Variants in TTC3 observed in about 807,000 individuals in gnomAD.
TTC3 encodes E3 ubiquitin-protein ligase TTC3.
Under a neutral mutation model 249.6 loss-of-function variants are expected in TTC3, and 180 were observed. That is an observed-to-expected ratio of 0.72 (90% CI 0.64 to 0.82). The LOEUF (loss-of-function observed/expected upper bound fraction) is 0.82. Among genes scored for constraint, TTC3 ranks in the 40% least tolerant of loss-of-function variants. The probability of loss-of-function intolerance (pLI) is 0.00; values close to 1 mark genes in which losing one functional copy is unlikely to be tolerated. For missense variants in TTC3, 2,061 were observed against 2,398.4 expected (o/e 0.86, Z 2.94); for synonymous variants, 717 against 805.0 (o/e 0.89, Z 1.85).
intron 8 of TTC3, among the ~76,000 whole-genome samples, chr21:37,094,723 G>C (rs2073727793): frequency 6.6e-6 from 1 of 152,024 alleles, no homozygotes; most frequent in African/African-American, 2.4e-5. Context: ...TTTAAAAGTG[G>C]GTCTGCCAAA....
rs544076127 is a variant in TTC3 at position 37,158,907 on chromosome 21, C to T, written c.2993-792C>T. Among the ~76,000 whole-genome samples the T allele has an allele frequency of 7.9e-5, 12 of 151,398 alleles. No homozygotes were observed. In the South Asian group the frequency reaches 2.3e-3, roughly 29 times the overall value. On this transcript the variant is annotated intron_variant, in intron 28 of 45. Transcript: ENST00000355666. ...CTTAGTTGTCTTTCCACAGTTAGAC[C>T]ACTATAGTAGCCTCCAAACTGGACT... is the stretch of plus-strand genomic sequence containing the variant.
intron 15 of TTC3, among the ~76,000 whole-genome samples, chr21:37,128,597 A>T (rs2077220926): frequency 6.6e-6 from 1 of 152,150 alleles, no homozygotes; most frequent in African/African-American, 2.4e-5. Flanking sequence ...CCCTTTTGTG[A>T]GTTGTGAGAG....
intron 4 of TTC3, 98 bp downstream of exon 4, chr21:37,088,444 T>G: frequency 7.1e-7 from 1 of 1,411,192 alleles, no homozygotes; most frequent in Non-Finnish European, 9.6e-7. Context: ...TGTCTTATTC[T>G]TGTATGCTGC....
In TTC3 at chr21:37,192,323, A is replaced by C. The variant is rs557251984; in HGVS notation, c.5217+110A>C. 269 of 666,364 alleles carry C rather than the reference A, an allele frequency of 4.0e-4. No individual in the cohort carries two copies. The African/African-American group carries it at 4.8e-3, about 12-fold the overall frequency. 41.3% of individuals were successfully genotyped at this position (666,364 alleles called of 1,614,324 possible). On this transcript the variant is annotated intron_variant, in intron 41 of 45. Coordinates refer to ENST00000355666, the Ensembl canonical transcript of TTC3. ...GGAGTGAGGATGAGATTGGTTAATAATTGCCTTAATGTTTCATTATTGGTG... is the reference window on the plus strand; with the variant it reads ...GGAGTGAGGATGAGATTGGTTAATACTTGCCTTAATGTTTCATTATTGGTG...
At chr21:37,190,448 AAG>A (rs1208569486) in intron 39 of TTC3, among the ~76,000 whole-genome samples, 1 of 151,796 alleles carries the variant, frequency 6.6e-6, no homozygotes, top group African/African-American at 2.4e-5. Flanking sequence ...CTTCATTTTC[AAG>A]ATTTAATTTT....
At position 37,104,642 on chromosome 21, in the gene TTC3, A is replaced by G. The variant is rs548610926; in HGVS notation, c.846-3750A>G. Among the ~76,000 whole-genome samples the G allele has an allele frequency of 1.5e-3, 226 of 151,622 alleles. 2 individuals carry two copies. The highest frequency in any genetic ancestry group is 4.8e-3 in the African/African-American group (197 of 41,324). On this transcript the variant is annotated intron_variant, in intron 10 of 45. Coordinates refer to ENST00000355666, the Ensembl canonical transcript of TTC3. ...GTGCCTTTGAAGCATCCAAATTCCA[A>G]TGTTGTGTAGGTAGTGAGTTATATG... is the stretch of plus-strand genomic sequence containing the variant.
chr21:37,124,281 A>G (rs144430377), intron 13 of TTC3, among the ~76,000 whole-genome samples: 1,531 of 151,526 alleles, frequency 0.01, 16 homozygotes, highest in Middle Eastern at 0.045. Flanking sequence ...ACACCTGGCT[A>G]ATTTTTGTAT....
intron 28 of TTC3, chr21:37,159,477 A>G: frequency 1.8e-6 from 1 of 543,904 alleles, no homozygotes; most frequent in South Asian, 2.4e-5. Flanking sequence ...GGCACTCAAC[A>G]TTATGCTGAA....
chr21:37,101,005 A>C (rs1462372618), intron 10 of TTC3: 4 of 152,290 alleles, frequency 2.6e-5, no homozygotes, highest in African/African-American at 4.8e-5. Flanking sequence ...CTTAGTGTTC[A>C]GTTCATTCTT....
exon 4 of TTC3, chr21:37,088,293 T>A: frequency 1.9e-6 from 3 of 1,613,826 alleles, no homozygotes; most frequent in Non-Finnish European, 2.5e-6. Context: ...CACTTCTGTT[T>A]CAACATCAAA....
intron 20 of TTC3, among the ~76,000 whole-genome samples, chr21:37,141,821 T>C (rs1467562575): frequency 6.6e-6 from 1 of 151,944 alleles, no homozygotes; most frequent in Non-Finnish European, 1.5e-5. Flanking sequence ...TTAGACAATA[T>C]CCCTGATGAA....
chr21:37,074,242 G>T (rs1015621202), intron 1 of TTC3, among the ~76,000 whole-genome samples: 1 of 152,252 alleles, frequency 6.6e-6, no homozygotes, highest in African/African-American at 2.4e-5. Context: ...TGGGAAGGGG[G>T]GTGGACAGGA....
At chr21:37,094,686 A>AT (rs141764817) in intron 8 of TTC3, among the ~76,000 whole-genome samples, 18,763 of 152,132 alleles carry the variant, frequency 0.12, 1,282 homozygotes, top group Non-Finnish European at 0.15. Flanking sequence ...CTTTGCATCT[A>AT]TTTTTTAGCC....
At chr21:37,159,631 G>A in intron 28 of TTC3, 68 bp from the exon 29 acceptor site, 1 of 1,503,364 alleles carries the variant, frequency 6.7e-7, no homozygotes, top group African/African-American at 1.4e-5. Flanking sequence ...TTATTTTAAG[G>A]CTTTAGTGTA....
chr21:37,113,877 AG>A (rs2075893512), intron 11 of TTC3, among the ~76,000 whole-genome samples: 1 of 152,222 alleles, frequency 6.6e-6, no homozygotes, highest in African/African-American at 2.4e-5. Context: ...CCTCAGAAAT[AG>A]TGCCACATAT....
In TTC3 at chr21:37,122,653, C is replaced by T. The variant is rs563714793; in HGVS notation, c.1064-330C>T. On this transcript the variant is annotated intron_variant, in intron 12 of 45. Coordinates refer to ENST00000355666, the Ensembl canonical transcript of TTC3. ...GCTGAGCTGAACAGCTCTGTTTGAC[C>T]GGCAGATGTTGTTATCCATCATAAC... 2.2e-4 allele frequency among the ~76,000 whole-genome samples: 33 copies of T among 151,726 alleles called. 2 individuals carry two copies. The South Asian group carries it at 6.7e-3, about 31-fold the overall frequency.
intron 10 of TTC3, among the ~76,000 whole-genome samples, chr21:37,106,425 T>G (rs1166453181): frequency 6.6e-6 from 1 of 152,240 alleles, no homozygotes; most frequent in Non-Finnish European, 1.5e-5. Context: ...GTTTATCAGT[T>G]TTTTCCTCTG....
chr21:37,153,457 T>G, intron 27 of TTC3, 180 bp downstream of exon 27: 1 of 605,888 alleles, frequency 1.7e-6, no homozygotes. Context: ...GGATGATTGC[T>G]TAATCTCAGG....
At chr21:37,202,328 G>T (rs1227155735) in exon 46 of TTC3, 1 of 152,142 alleles carries the variant, frequency 6.6e-6, no homozygotes, top group Admixed American at 6.5e-5. Context: ...CTGTGTGTCC[G>T]TCATCCCAGC....
Sources: gnomAD v4.1 joint callset for allele counts (sites outside exome capture counted in the v4.1 genomes callset) on GRCh38, gnomAD v4.1.1 for gene constraint, MANE v1.5 for transcripts, NCBI Gene and HGNC (gene_info 2026-07-23, HGNC 2026-07-21) for gene names.